Variants in ZNF254 observed in about 807,000 individuals in gnomAD.
The protein encoded by ZNF254 is CTD-2017D11.1.
In ZNF254, 10 loss-of-function variants were observed where a neutral mutation model predicts 12.4. The observed-to-expected ratio is 0.80, with a 90% CI of 0.50 to 1.36. The LOEUF (loss-of-function observed/expected upper bound fraction) is 1.36, where lower values mean the gene tolerates loss of function less well. ZNF254 is among the 40% of genes most tolerant of loss of function. The pLI is 0.00. For missense variants in ZNF254, 996 were observed against 763.9 expected (o/e 1.30, Z -3.58); for synonymous variants, 305 against 253.4 (o/e 1.20, Z -1.93).
rs149679128 is a variant in ZNF254 at position 24,097,504 on chromosome 19, G to A, written c.31-8436G>A. Among the ~76,000 whole-genome samples, 298 of 152,194 alleles carry A rather than the reference G, an allele frequency of 2.0e-3. 1 individual carries two copies. The highest frequency in any genetic ancestry group is 6.1e-3 in the African/African-American group (253 of 41,526). On this transcript the variant is annotated intron_variant, in intron 1 of 3. Transcript: ENST00000357002. ...AACAAAAAGAGTTCAGTTTATGGCC[G>A]GACGTGGTGGCTCATGCCTGTAATC...
chr19:24,061,205 G>A (rs1248714262), intron 2 of ZNF254, among the ~76,000 whole-genome samples: 1 of 152,174 alleles, frequency 6.6e-6, no homozygotes, highest in Non-Finnish European at 1.5e-5. Flanking sequence ...TGAGCATGGG[G>A]TTATTGAGAC....
At chr19:24,049,214 A>ATATATATATATTTT (rs1160333151) in intron 2 of ZNF254, among the ~76,000 whole-genome samples, 1 of 40,858 alleles carries the variant, frequency 2.4e-5, no homozygotes, top group Admixed American at 3.8e-4. Context: ...ATATATATAT[A>ATATATATATATTTT]TTTTTTTTTT....
rs551534003 is a variant in ZNF254, at chr19:24,126,241, A to T, written c.254-13A>T. ...TAAGTGGAGTAATTTATTTATTTTTATTTTTTTTTCAGGTATGTGTCCTCA... is the reference window on the plus strand; with the variant it reads ...TAAGTGGAGTAATTTATTTATTTTTTTTTTTTTTTCAGGTATGTGTCCTCA... On this transcript the variant is annotated splice_polypyrimidine_tract_variant and intron_variant, in intron 3 of 3. Coordinates refer to ENST00000357002, the MANE Select transcript of ZNF254 (RefSeq NM_203282.4). The T allele has an allele frequency of 1.2e-5, 17 of 1,375,746 alleles. No homozygotes were observed. Among genetic ancestry groups the T allele is most frequent in the Admixed American group, 5.5e-5 (2 of 36,382 alleles). The allele number at this position is 1,375,746 out of a possible 1,614,324, so 85.2% of individuals were successfully genotyped here. A position where few individuals can be genotyped will look rare whatever the true frequency, so the allele number is the denominator to read the frequency against.
At chr19:24,075,779 C>T (rs1044196023) in intron 2 of ZNF254, among the ~76,000 whole-genome samples, 8 of 152,300 alleles carry the variant, frequency 5.3e-5, no homozygotes, top group South Asian at 2.1e-4. Context: ...AGCCTGGGGG[C>T]GCTGCAGGAG....
intron 2 of ZNF254, 45 bp from the exon 3 acceptor site, chr19:24,106,503 T>C: frequency 6.8e-7 from 1 of 1,480,582 alleles, no homozygotes; most frequent in Middle Eastern, 1.8e-4. Context: ...AGTTGGTAAT[T>C]GGAGAATATA....
Position 24,128,038 on chromosome 19 carries a change from A to C in ZNF254, c.*58A>C, listed in dbSNP as rs1019167564. 2.8e-6 allele frequency: 4 copies of C among 1,450,588 alleles called. No individual in the cohort carries two copies. The African/African-American group carries it at 4.3e-5, about 15-fold the overall frequency. The allele number at this position is 1,450,588 out of a possible 1,614,324, so 89.9% of individuals were successfully genotyped here. A position where few individuals can be genotyped will look rare whatever the true frequency, so the allele number is the denominator to read the frequency against. On this transcript the variant is annotated 3_prime_UTR_variant, in exon 4 of 4. Transcript: ENST00000357002. Reference sequence around the variant, plus strand: ...TCTTAATAGATATAAGATTATTCCTACTGGAGAGAAACTACAAACCTGAGA... The same window carrying C: ...TCTTAATAGATATAAGATTATTCCTCCTGGAGAGAAACTACAAACCTGAGA...
At chr19:24,106,815 A>G (rs1244716967) in intron 3 of ZNF254, 172 bp downstream of exon 3, 2 of 452,360 alleles carry the variant, frequency 4.4e-6, no homozygotes, top group Non-Finnish European at 7.8e-6. Context: ...GCTTATGCCT[A>G]TAAAATCTAA....
intron 3 of ZNF254, among the ~76,000 whole-genome samples, chr19:24,113,399 G>A (rs560350584): frequency 2.6e-4 from 40 of 152,034 alleles, no homozygotes; most frequent in Non-Finnish European, 4.6e-4. Context: ...ATCAATAAAT[G>A]TAATCCAGCA....
At chr19:24,115,621 A>C (rs1163043589) in intron 3 of ZNF254, among the ~76,000 whole-genome samples, 2 of 151,964 alleles carry the variant, frequency 1.3e-5, no homozygotes, top group African/African-American at 2.4e-5. Context: ...ACATGTATAC[A>C]TATGTAACTA....
At chr19:24,086,834 A>C (rs1008704015), upstream of ZNF254, among the ~76,000 whole-genome samples, 17 of 152,238 alleles carry the variant, frequency 1.1e-4, no homozygotes, top group African/African-American at 4.1e-4. Context: ...ATACATTATT[A>C]CTAAAGTAAA....
chr19:24,068,329 C>T (rs1314670492), intron 2 of ZNF254, among the ~76,000 whole-genome samples: 2 of 151,228 alleles, frequency 1.3e-5, no homozygotes, highest in African/African-American at 2.4e-5. Context: ...GAGGCAGAGT[C>T]TCACTCTGTT....
intron 2 of ZNF254, among the ~76,000 whole-genome samples, chr19:24,071,007 C>T (rs867716982): frequency 3.3e-5 from 5 of 152,118 alleles, no homozygotes; most frequent in African/African-American, 9.7e-5. Context: ...AACCCGTCAT[C>T]TATTTGATGT....
chr19:24,085,708 G>A (rs565276839), upstream of ZNF254, among the ~76,000 whole-genome samples: 27 of 151,566 alleles, frequency 1.8e-4, no homozygotes, highest in South Asian at 5.4e-3. Context: ...GGAGGCGGAG[G>A]TTGCAGTGAG....
chr19:24,119,636 G>A (rs1274453091), intron 3 of ZNF254, among the ~76,000 whole-genome samples: 1 of 152,040 alleles, frequency 6.6e-6, no homozygotes, highest in Non-Finnish European at 1.5e-5. Context: ...TTACAAGTGT[G>A]TAGCTTCATG....
chr19:24,115,230 G>T (rs1409772689), intron 3 of ZNF254, among the ~76,000 whole-genome samples: 1 of 151,914 alleles, frequency 6.6e-6, no homozygotes, highest in Non-Finnish European at 1.5e-5. Context: ...GCACAAGTAT[G>T]TTTATTGTGG....
chr19:24,120,414 CTGTA>C (rs1253299944), intron 3 of ZNF254, among the ~76,000 whole-genome samples: 1 of 151,954 alleles, frequency 6.6e-6, no homozygotes, highest in Non-Finnish European at 1.5e-5. Context: ...AATTATACCT[CTGTA>C]TTTTTCAGTT....
chr19:24,091,625 T>G (rs1666262363), intron 1 of ZNF254, among the ~76,000 whole-genome samples: 1 of 152,072 alleles, frequency 6.6e-6, no homozygotes, highest in Non-Finnish European at 1.5e-5. Flanking sequence ...CCGGAGTAGC[T>G]GAGACTGCAG....
intron 2 of ZNF254, among the ~76,000 whole-genome samples, chr19:24,049,216 T>TATATATA (rs1568426573): frequency 7.9e-4 from 30 of 37,742 alleles, no homozygotes; most frequent in East Asian, 4.6e-3. Context: ...ATATATATAT[T>TATATATA]TTTTTTTTTT....
chr19:24,121,555 C>G (rs1170182180), intron 3 of ZNF254, among the ~76,000 whole-genome samples: 3 of 151,944 alleles, frequency 2.0e-5, no homozygotes, highest in Non-Finnish European at 4.4e-5. Context: ...TAAATGTTAT[C>G]TTTTTTAAAT....
Sources: gnomAD v4.1 joint callset for allele counts (sites outside exome capture counted in the v4.1 genomes callset) on GRCh38, gnomAD v4.1.1 for gene constraint, MANE v1.5 for transcripts, NCBI Gene and HGNC (gene_info 2026-07-23, HGNC 2026-07-21) for gene names.